Variants in MCC observed in about 807,000 individuals in gnomAD.
The protein encoded by MCC is MCC regulator of Wnt signaling pathway, also known as colorectal mutant cancer protein.
MCC carries 90 observed loss-of-function variants against 116.2 expected under a neutral mutation model. That is an observed-to-expected ratio of 0.77 (90% CI 0.65 to 0.92). The LOEUF is 0.92. Among genes scored for constraint, MCC ranks in the 40% least tolerant of loss-of-function variants. MCC has a pLI of 0.00. For missense variants in MCC, 1,516 were observed against 1,312.2 expected (o/e 1.16, Z -2.40); for synonymous variants, 578 against 510.5 (o/e 1.13, Z -1.78).
chr5:113,039,716 C>CCG (rs1554106461), intron 17 of MCC, among the ~76,000 whole-genome samples: 2 of 139,578 alleles, frequency 1.4e-5, no homozygotes, highest in African/African-American at 5.3e-5. Flanking sequence ...TCCGCGCCCC[C>CCG]CCCCCCAACC....
At chr5:113,027,781 G>T (rs1750664189) in intron 18 of MCC, among the ~76,000 whole-genome samples, 2 of 152,172 alleles carry the variant, frequency 1.3e-5, no homozygotes, top group Non-Finnish European at 2.9e-5. Flanking sequence ...AATTGGCCCA[G>T]TCCAAAACGG....
chr5:113,416,114 T>C (rs1770138586), intron 1 of MCC, among the ~76,000 whole-genome samples: 1 of 152,178 alleles, frequency 6.6e-6, no homozygotes, highest in African/African-American at 2.4e-5. Flanking sequence ...CAGTTGGAAA[T>C]GCAGAAATCA....
Position 113,122,840 on chromosome 5 carries a change from A to G in MCC, c.885-14T>C. ...TCATCTTCCTCCCTGAGAAAAAAGG[A>G]GAATTGGCAACCACTAACAGAGGAT... On this transcript the variant is annotated splice_polypyrimidine_tract_variant and intron_variant, in intron 5 of 18. Transcript: ENST00000408903. 1 of 1,614,030 alleles carries G rather than the reference A, an allele frequency of 6.2e-7. No individual in the cohort carries two copies. The highest frequency in any genetic ancestry group is 1.1e-5 in the South Asian group (1 of 91,070).
At chr5:113,043,486 A>T in intron 17 of MCC, 44 bp downstream of exon 17, 1 of 1,524,284 alleles carries the variant, frequency 6.6e-7, no homozygotes, top group Non-Finnish European at 9.1e-7. Context: ...CAAAGTCTCC[A>T]TGCCCAGGAT....
At chr5:113,261,801 C>T (rs992770578) in intron 3 of MCC, among the ~76,000 whole-genome samples, 19 of 152,132 alleles carry the variant, frequency 1.2e-4, no homozygotes, top group African/African-American at 4.6e-4. Context: ...AAGCACTCTC[C>T]GTTTGAGATG....
At chr5:113,107,221 C>CTTT (rs1296664436) in intron 6 of MCC, among the ~76,000 whole-genome samples, 2 of 97,158 alleles carry the variant, frequency 2.1e-5, no homozygotes. Context: ...TTTTTTTTTT[C>CTTT]TTTTTTTTTT....
intron 17 of MCC, among the ~76,000 whole-genome samples, chr5:113,032,812 G>T (rs1281003824): frequency 6.6e-6 from 1 of 152,188 alleles, no homozygotes; most frequent in Non-Finnish European, 1.5e-5. Flanking sequence ...AGCCAAAACA[G>T]CAAACCCAAG....
At chr5:113,469,662 G>A (rs1209339690) in intron 1 of MCC, among the ~76,000 whole-genome samples, 1 of 152,306 alleles carries the variant, frequency 6.6e-6, no homozygotes, top group East Asian at 1.9e-4. Context: ...ATATTCTGTT[G>A]ATTTGGGGTG....
intron 1 of MCC, among the ~76,000 whole-genome samples, chr5:113,417,933 C>G (rs543079900): frequency 9.2e-4 from 109 of 117,892 alleles, no homozygotes; most frequent in African/African-American, 3.3e-3. Flanking sequence ...ACACTATTTC[C>G]AAAAAAAAAA....
At position 113,166,505 on chromosome 5, in the gene MCC, CT is replaced by C. The variant is rs371029151; in HGVS notation, c.628-15084del. ...GAGGTCAACATTCTGAAATGCTAAT[CT>C]TGGAACAGCGTGGGTGATAATACAG... is the stretch of plus-strand genomic sequence containing the variant. On this transcript the variant is annotated intron_variant, in intron 3 of 18. Coordinates refer to ENST00000408903, the MANE Select transcript of MCC (RefSeq NM_001085377.2). 2.2e-4 allele frequency among the ~76,000 whole-genome samples: 34 copies of C among 152,196 alleles called. No homozygotes were observed. In the East Asian group the frequency reaches 4.8e-3, roughly 22 times the overall value.
chr5:113,073,013 C>G (rs548914947), intron 11 of MCC, among the ~76,000 whole-genome samples: 1 of 152,314 alleles, frequency 6.6e-6, no homozygotes, highest in South Asian at 2.1e-4. Flanking sequence ...GCTTGTCCAA[C>G]CTGTGGGCTG....
chr5:113,462,860 A>G (rs2150426350), intron 1 of MCC, among the ~76,000 whole-genome samples: 1 of 152,362 alleles, frequency 6.6e-6, no homozygotes, highest in South Asian at 2.1e-4. Flanking sequence ...ATAAAGAGGG[A>G]CACAGTCTCT....
chr5:113,029,045 A>G lies in MCC; in HGVS notation c.2768T>C (p.Leu923Ser), dbSNP rs779595808. ...FTNAIRREKK[L>S]KARVQELVSA... ...CACCAGCTCTTGAACTCTGGCCTTC[A>G]ACTTCTTTTCTCTATATTAAAGGAG... Residue 923 changes from leucine (L) to serine (S), a missense_variant, in exon 18 of 19, where the codon TTG (leucine) becomes TCG (serine). Leu to Ser is a moderately radical substitution (Grantham distance 145, BLOSUM62 -2). Transcript: ENST00000408903. The G allele has an allele frequency of 4.3e-5, 69 of 1,612,690 alleles. No homozygotes were observed. Among genetic ancestry groups the G allele is most frequent in the Non-Finnish European group, 5.7e-5 (67 of 1,179,410 alleles).
At chr5:113,034,118 G>A (rs1751157630) in intron 17 of MCC, among the ~76,000 whole-genome samples, 1 of 137,370 alleles carries the variant, frequency 7.3e-6, no homozygotes, top group African/African-American at 2.7e-5. Context: ...CAGGCTGGTT[G>A]CAAACTACTG....
chr5:113,029,748 C>T (rs1249570009), intron 17 of MCC, among the ~76,000 whole-genome samples: 1 of 152,198 alleles, frequency 6.6e-6, no homozygotes, highest in Admixed American at 6.5e-5. Flanking sequence ...CTAATTCCCA[C>T]AAGACCCAGC....
chr5:113,047,458 AG>A, intron 16 of MCC, among the ~76,000 whole-genome samples: 1 of 152,314 alleles, frequency 6.6e-6, no homozygotes, highest in East Asian at 1.9e-4. Context: ...GAGGTGGAGA[AG>A]GGTGTAGCTG....
intron 2 of MCC, among the ~76,000 whole-genome samples, chr5:113,373,646 A>C (rs935490931): frequency 3.9e-5 from 6 of 152,222 alleles, no homozygotes; most frequent in African/African-American, 1.4e-4. Context: ...TGACCTCTCA[A>C]GATAAATTTA....
chr5:113,177,602 G>A (rs1343908685), intron 3 of MCC, among the ~76,000 whole-genome samples: 1 of 152,132 alleles, frequency 6.6e-6, no homozygotes, highest in African/African-American at 2.4e-5. Flanking sequence ...TTAACATTAA[G>A]TACATTTTGC....
intron 17 of MCC, among the ~76,000 whole-genome samples, chr5:113,040,001 C>G (rs1751590539): frequency 6.6e-6 from 1 of 151,290 alleles, no homozygotes; most frequent in South Asian, 2.1e-4. Context: ...AGCACACAGG[C>G]TGGATGGACA....
Sources: allele counts gnomAD v4.1 joint callset (sites outside exome capture counted in the v4.1 genomes callset), GRCh38; gene constraint gnomAD v4.1.1; transcripts MANE v1.5; gene names NCBI Gene and HGNC (gene_info 2026-07-23, HGNC 2026-07-21).